DLG2: variants seen among roughly 807,000 people sequenced by gnomAD.
DLG2 encodes disks large homolog 2.
A neutral mutation model predicts 132.5 loss-of-function variants in DLG2; 45 were observed. That is an observed-to-expected ratio of 0.34 (90% CI 0.27 to 0.44). The LOEUF (loss-of-function observed/expected upper bound fraction) is 0.44. Ranked by LOEUF, DLG2 falls within the 20% of genes least tolerant of loss-of-function variation. The pLI is 1.00. For synonymous variants in DLG2, 424 were observed against 419.6 expected, an observed-to-expected ratio of 1.01 and a Z score of -0.13; for missense variants, 1,045 against 1,196.9, an observed-to-expected ratio of 0.87 and a Z score of 1.87.
chr11:85,016,943 C>T (rs962849384), intron 6 of DLG2, among the ~76,000 whole-genome samples: 6 of 152,164 alleles, frequency 3.9e-5, no homozygotes, highest in Admixed American at 1.3e-4. Context: ...CAGAGGTTGG[C>T]AAACCTGTTG....
intron 9 of DLG2, among the ~76,000 whole-genome samples, chr11:84,155,804 G>A (rs2095416843): frequency 6.6e-6 from 1 of 152,124 alleles, no homozygotes; most frequent in Non-Finnish European, 1.5e-5. Flanking sequence ...AGGGAGAAAT[G>A]AGGCTGGCAA....
chr11:84,584,992 C>A (rs1292837446), intron 6 of DLG2, among the ~76,000 whole-genome samples: 2 of 152,030 alleles, frequency 1.3e-5, no homozygotes, highest in Non-Finnish European at 2.9e-5. Flanking sequence ...CCGGCCCCAG[C>A]ATTCCTTTAA....
chr11:84,973,269 T>G (rs1016139568), intron 6 of DLG2, among the ~76,000 whole-genome samples: 1 of 152,152 alleles, frequency 6.6e-6, no homozygotes, highest in Non-Finnish European at 1.5e-5. Flanking sequence ...TAAGCCTCAG[T>G]TTTAAATTTT....
At chr11:85,573,153 T>C (rs546135088) in intron 3 of DLG2, among the ~76,000 whole-genome samples, 1 of 152,322 alleles carries the variant, frequency 6.6e-6, no homozygotes, top group African/African-American at 2.4e-5. Flanking sequence ...CTGAACTATG[T>C]AGGTGTCATA....
At chr11:84,628,147 C>A (rs1007435460) in intron 6 of DLG2, among the ~76,000 whole-genome samples, 9 of 151,626 alleles carry the variant, frequency 5.9e-5, no homozygotes, top group Non-Finnish European at 8.8e-5. Context: ...TATATATATA[C>A]CCCCGAGGAG....
chr11:84,928,222 C>CT (rs2047635855), intron 6 of DLG2, among the ~76,000 whole-genome samples: 1 of 151,814 alleles, frequency 6.6e-6, no homozygotes, highest in Non-Finnish European at 1.5e-5. Context: ...ATTTAGAATC[C>CT]TTTCTCTCTT....
intron 6 of DLG2, among the ~76,000 whole-genome samples, chr11:84,535,274 T>G: frequency 6.6e-6 from 1 of 152,248 alleles, no homozygotes; most frequent in East Asian, 1.9e-4. Flanking sequence ...AAGCTTATCT[T>G]TCTTTACTTC....
chr11:85,362,832 T>C (rs1344331107), intron 3 of DLG2, among the ~76,000 whole-genome samples: 1 of 152,224 alleles, frequency 6.6e-6, no homozygotes, highest in Non-Finnish European at 1.5e-5. Flanking sequence ...GAGTATCTTA[T>C]TCTAAAACTT....
intron 3 of DLG2, among the ~76,000 whole-genome samples, chr11:85,552,485 A>G (rs1222149487): frequency 6.6e-6 from 1 of 151,628 alleles, no homozygotes; most frequent in Non-Finnish European, 1.5e-5. Context: ...CTCCCAAAAA[A>G]AAAGTTTAGA....
At chr11:85,046,727 G>C (rs945982014) in intron 6 of DLG2, among the ~76,000 whole-genome samples, 9 of 151,780 alleles carry the variant, frequency 5.9e-5, no homozygotes, top group African/African-American at 2.2e-4. Context: ...CTGTCTTTCT[G>C]ATCATCGGAT....
chr11:84,482,672 A>G (rs2099140880), intron 7 of DLG2, among the ~76,000 whole-genome samples: 1 of 152,208 alleles, frequency 6.6e-6, no homozygotes, highest in South Asian at 2.1e-4. Flanking sequence ...GTAGTTCCAA[A>G]CAACAGCACA....
At chr11:84,802,607 C>T (rs937199503) in intron 6 of DLG2, among the ~76,000 whole-genome samples, 1 of 140,186 alleles carries the variant, frequency 7.1e-6, no homozygotes, top group Non-Finnish European at 1.5e-5. Context: ...ACCCTTTGGC[C>T]AAACCCAATT....
intron 6 of DLG2, among the ~76,000 whole-genome samples, chr11:84,862,825 G>C (rs9734521): frequency 2.3e-5 from 3 of 129,954 alleles, no homozygotes; most frequent in East Asian, 2.6e-4. Context: ...GTCGGGGGGG[G>C]GGGGTGGGGG....
At chr11:84,790,770 A>G (rs553710004) in intron 6 of DLG2, among the ~76,000 whole-genome samples, 1 of 152,308 alleles carries the variant, frequency 6.6e-6, no homozygotes, top group Admixed American at 6.5e-5. Flanking sequence ...GTATACGATG[A>G]GAGACAGTAG....
At chr11:85,396,872 C>A (rs962135309) in intron 3 of DLG2, among the ~76,000 whole-genome samples, 1 of 152,122 alleles carries the variant, frequency 6.6e-6, no homozygotes, top group African/African-American at 2.4e-5. Context: ...TTATTCAGGA[C>A]AACTTCCCTA....
At chr11:85,388,715 G>T (rs1323864921) in intron 3 of DLG2, among the ~76,000 whole-genome samples, 5 of 152,174 alleles carry the variant, frequency 3.3e-5, no homozygotes, top group Admixed American at 3.3e-4. Context: ...AAGCCTGGTA[G>T]CTCCTTTGGG....
intron 18 of DLG2, among the ~76,000 whole-genome samples, chr11:83,704,376 C>T (rs1248352100): frequency 6.6e-6 from 1 of 152,014 alleles, no homozygotes; most frequent in Non-Finnish European, 1.5e-5. Flanking sequence ...AAACAGAAAC[C>T]AGTGGTTGCC....
intron 6 of DLG2, among the ~76,000 whole-genome samples, chr11:85,048,586 T>A (rs138686922): frequency 2.0e-5 from 3 of 152,122 alleles, no homozygotes; most frequent in African/African-American, 7.2e-5. Context: ...CTGGACACTA[T>A]CAATTGGACA....
chr11:84,154,289 C>T (rs1159721420), intron 9 of DLG2, among the ~76,000 whole-genome samples: 4 of 152,330 alleles, frequency 2.6e-5, no homozygotes, highest in Non-Finnish European at 4.4e-5. Context: ...TGAGCCACTG[C>T]ACCCAGCCAT....
Sources: allele counts gnomAD v4.1 joint callset (sites outside exome capture counted in the v4.1 genomes callset), GRCh38; gene constraint gnomAD v4.1.1; transcripts MANE v1.5; gene names NCBI Gene and HGNC (gene_info 2026-07-23, HGNC 2026-07-21).